The following ATP8A1 variants were observed in gnomAD, a reference collection of about 807,000 sequenced individuals.
ATP8A1 encodes phospholipid-transporting ATPase IA.
Under a neutral mutation model 177.7 loss-of-function variants are expected in ATP8A1, and 90 were observed. The observed-to-expected ratio is 0.51, with a 90% CI of 0.43 to 0.60. The LOEUF (loss-of-function observed/expected upper bound fraction) is 0.60. ATP8A1 is among the 20% of genes least tolerant of loss of function. The pLI, the probability that ATP8A1 is intolerant of heterozygous loss-of-function variation, is 0.00. For missense variants in ATP8A1, 1,072 were observed against 1,392.8 expected (o/e 0.77, Z 3.67); for synonymous variants, 493 against 485.9 (o/e 1.01, Z -0.19).
intron 22 of ATP8A1, among the ~76,000 whole-genome samples, chr4:42,519,622 T>G (rs1247493480): frequency 2.0e-5 from 3 of 152,152 alleles, no homozygotes; most frequent in Non-Finnish European, 4.4e-5. Flanking sequence ...CATGTAAACA[T>G]GAACTGCTTG....
chr4:42,578,182 T>A, intron 12 of ATP8A1, 78 bp downstream of exon 12: 5 of 1,361,710 alleles, frequency 3.7e-6, no homozygotes, highest in Non-Finnish European at 4.9e-6. Flanking sequence ...AATTAAAACC[T>A]TTTTTCTCCT....
chr4:42,480,734 G>A (rs934447273), intron 25 of ATP8A1, among the ~76,000 whole-genome samples: 8 of 152,128 alleles, frequency 5.3e-5, no homozygotes, highest in African/African-American at 1.7e-4. Context: ...AAGGTGAAAG[G>A]TTTTGCCTGG....
chr4:42,492,855 C>G (rs1266148701), intron 24 of ATP8A1, among the ~76,000 whole-genome samples: 1 of 152,210 alleles, frequency 6.6e-6, no homozygotes, highest in African/African-American at 2.4e-5. Flanking sequence ...GTTCAGGAAG[C>G]CTGTGCTTCC....
Position 42,446,101 on chromosome 4 carries a change from AG to A in ATP8A1, c.2958+481del, listed in dbSNP as rs1422512557. ...CTCTCAAAAAAAAAAAAAAAAAAAG[AG>A]AAGAGATATAGTTTGAAATAAATTA... On this transcript the variant is annotated intron_variant, in intron 31 of 36. Coordinates refer to ENST00000381668, the MANE Select transcript of ATP8A1 (RefSeq NM_006095.2). 1.5e-3 allele frequency among the ~76,000 whole-genome samples: 149 copies of A among 102,192 alleles called. 6 individuals carry two copies. Among genetic ancestry groups the A allele is most frequent in the Middle Eastern group, 0.014 (3 of 212 alleles). 67.0% of individuals were successfully genotyped at this position (102,192 alleles called of 152,430 possible).
chr4:42,501,981 T>G (rs1475926971), intron 24 of ATP8A1, among the ~76,000 whole-genome samples: 2 of 152,162 alleles, frequency 1.3e-5, no homozygotes, highest in African/African-American at 4.8e-5. Context: ...TAAGGAGACT[T>G]TTAGCCACTT....
chr4:42,550,346 C>G (rs1240232099), intron 18 of ATP8A1, among the ~76,000 whole-genome samples: 1 of 152,036 alleles, frequency 6.6e-6, no homozygotes, highest in Non-Finnish European at 1.5e-5. Flanking sequence ...ATCCATTCTT[C>G]TATTGATGGG....
intron 33 of ATP8A1, among the ~76,000 whole-genome samples, chr4:42,424,839 A>G (rs138715033): frequency 1.5e-4 from 23 of 152,378 alleles, no homozygotes; most frequent in African/African-American, 4.6e-4. Context: ...ATAGCTCTGA[A>G]TACTTTTAAA....
intron 22 of ATP8A1, 84 bp from the exon 23 acceptor site, chr4:42,507,238 A>C: frequency 7.4e-7 from 1 of 1,353,246 alleles, no homozygotes; most frequent in Non-Finnish European, 1.0e-6. Context: ...ATATGTTTTA[A>C]AATCAGAGAC....
At chr4:42,489,298 C>T (rs1200217719) in intron 24 of ATP8A1, among the ~76,000 whole-genome samples, 1 of 152,164 alleles carries the variant, frequency 6.6e-6, no homozygotes, top group Admixed American at 6.5e-5. Flanking sequence ...AACTGTGAAA[C>T]GCCCTCATGA....
At chr4:42,528,548 G>A (rs1006030843) in intron 20 of ATP8A1, among the ~76,000 whole-genome samples, 2 of 151,872 alleles carry the variant, frequency 1.3e-5, no homozygotes, top group African/African-American at 4.8e-5. Flanking sequence ...TGGTTTCATT[G>A]CTTGAGCATA....
At chr4:42,506,930 A>G (rs548960332) in intron 23 of ATP8A1, 86 bp downstream of exon 23, 99 of 1,435,614 alleles carry the variant, frequency 6.9e-5, no homozygotes, top group Admixed American at 2.1e-5. Flanking sequence ...AATCTTTTAG[A>G]TCTTGAAATG....
chr4:42,455,568 C>T lies in ATP8A1; in HGVS notation c.2651G>A (p.Gly884Glu). The change falls in exon 28 of 37, where the codon GGA becomes GAA. Residue 884 changes from glycine (G) to glutamate (E), a missense_variant. Physicochemically the swap from Gly to Glu is moderately conservative, Grantham distance 98 (BLOSUM62 -2). This residue lies in a region of ATP8A1 where 316 missense variants were observed against 459.1 expected (regional missense o/e 0.69). Transcript: ENST00000381668. ...IWFAFVNGFS[G>E]QILFERWCIG... ...ACACCATCTTTCAAAGAGGATCTGTCCAGAAAAGCCATTAACAAAGGCAAA... is the reference window on the plus strand; with the variant it reads ...ACACCATCTTTCAAAGAGGATCTGTTCAGAAAAGCCATTAACAAAGGCAAA... 1 of 1,613,528 alleles carries T rather than the reference C, an allele frequency of 6.2e-7. No homozygotes were observed. Among genetic ancestry groups the T allele is most frequent in the Non-Finnish European group, 8.5e-7 (1 of 1,179,718 alleles).
Position 42,455,433 on chromosome 4 carries a change from A to G in ATP8A1, c.2695-14T>C, listed in dbSNP as rs1178539111. 6 of 1,613,750 alleles carry G rather than the reference A, an allele frequency of 3.7e-6. No individual in the cohort carries two copies. Among genetic ancestry groups the G allele is most frequent in the Non-Finnish European group, 5.1e-6 (6 of 1,179,736 alleles). On this transcript the variant is annotated splice_polypyrimidine_tract_variant and intron_variant, in intron 28 of 36. Coordinates refer to ENST00000381668, the MANE Select transcript of ATP8A1 (RefSeq NM_006095.2). ...TGCTGTAAACATCTAAAGCGCACAA[A>G]CTGGTCATTATGTCAAGCAGCCAAA...
At chr4:42,606,783 T>C (rs1306089294) in intron 5 of ATP8A1, among the ~76,000 whole-genome samples, 1 of 152,210 alleles carries the variant, frequency 6.6e-6, no homozygotes, top group Non-Finnish European at 1.5e-5. Context: ...CACATGATTG[T>C]ACCCTGTAAG....
chr4:42,529,973 T>C (rs776207962), intron 20 of ATP8A1, among the ~76,000 whole-genome samples: 1 of 152,194 alleles, frequency 6.6e-6, no homozygotes, highest in Non-Finnish European at 1.5e-5. Context: ...GGAAGAAGTA[T>C]GTGGATGGAC....
At chr4:42,576,475 C>CAAAAAAAAAAA (rs1159794343) in intron 12 of ATP8A1, among the ~76,000 whole-genome samples, 372 of 32,420 alleles carry the variant, frequency 0.011, 42 homozygotes, top group Middle Eastern at 0.067. Flanking sequence ...GACGCCGTCT[C>CAAAAAAAAAAA]AAAAAAAAAA....
intron 10 of ATP8A1, among the ~76,000 whole-genome samples, chr4:42,580,954 A>G (rs1252838951): frequency 6.6e-6 from 1 of 152,234 alleles, no homozygotes; most frequent in Non-Finnish European, 1.5e-5. Flanking sequence ...AAAGTTGACT[A>G]TTGCATTAAA....
At chr4:42,618,079 T>C (rs1422376592) in intron 4 of ATP8A1, among the ~76,000 whole-genome samples, 2 of 152,226 alleles carry the variant, frequency 1.3e-5, no homozygotes, top group African/African-American at 4.8e-5. Flanking sequence ...CAGTATTAGA[T>C]TGACAGCACA....
chr4:42,459,540 G>A, intron 27 of ATP8A1: 1 of 344,448 alleles, frequency 2.9e-6, no homozygotes, highest in South Asian at 2.5e-5. Context: ...GTTCTGGAAT[G>A]AGAAGAACAT....
Sources: gnomAD v4.1 joint callset for allele counts (sites outside exome capture counted in the v4.1 genomes callset) on GRCh38, gnomAD v4.1.1 for gene constraint, gnomAD v4.1.1 regional missense constraint, MANE v1.5 for transcripts, NCBI Gene and HGNC (gene_info 2026-07-23, HGNC 2026-07-21) for gene names.